Variants in MPRIP observed in about 807,000 individuals in gnomAD.
MPRIP encodes myosin phosphatase Rho-interacting protein.
Under a neutral mutation model 234.9 loss-of-function variants are expected in MPRIP, and 59 were observed. The observed-to-expected ratio is 0.25, with a 90% CI of 0.20 to 0.31. MPRIP has a LOEUF of 0.31. MPRIP is among the 10% of genes least tolerant of loss of function. The pLI, the probability that MPRIP is intolerant of heterozygous loss-of-function variation, is 1.00. For synonymous variants in MPRIP, 1,144 were observed against 1,263.9 expected (o/e 0.91, Z 2.01); for missense variants, 2,436 against 3,071.0 (o/e 0.79, Z 4.89).
intron 23 of MPRIP, 26 bp downstream of exon 23, chr17:17,180,114 T>G: frequency 6.5e-7 from 1 of 1,538,568 alleles, no homozygotes; most frequent in Non-Finnish European, 8.8e-7. Context: ...AGCCCCCTGG[T>G]GGGAGGGGCT....
At position 17,177,500 on chromosome 17, in the gene MPRIP, C is replaced by G. The variant is rs542963960; in HGVS notation, c.7120+88C>G. The G allele has an allele frequency of 3.7e-5, 52 of 1,413,138 alleles. No homozygotes were observed. In the African/African-American group the frequency reaches 6.4e-4, roughly 17 times the overall value. 87.5% of individuals were successfully genotyped at this position (1,413,138 alleles called of 1,614,324 possible). On this transcript the variant is annotated intron_variant, in intron 22 of 23. Coordinates refer to ENST00000651222, the MANE Select transcript of MPRIP (RefSeq NM_001364716.4). ...AGGTTTCCCGGTGCTTGACTTGAAG[C>G]AGAAGAGTCCCAGTGATGCTTGTAG...
In MPRIP at chr17:17,190,237, A is replaced by G. The variant is rs1030576857; in HGVS notation, c.*5343A>G. Reference sequence around the variant, plus strand: ...TCATCCAGTGAACGGTCATCTTCACATCGAAAGGTGAAGGCCACCACTGTT... The same window carrying G: ...TCATCCAGTGAACGGTCATCTTCACGTCGAAAGGTGAAGGCCACCACTGTT... On this transcript the variant is annotated 3_prime_UTR_variant, in exon 24 of 24. Coordinates refer to ENST00000651222, the MANE Select transcript of MPRIP (RefSeq NM_001364716.4). The G allele has an allele frequency of 1.4e-4, 21 of 152,256 alleles. No individual in the cohort carries two copies. Among genetic ancestry groups the G allele is most frequent in the African/African-American group, 4.8e-4 (20 of 41,476 alleles). 9.4% of individuals were successfully genotyped at this position (152,256 alleles called of 1,614,324 possible).
chr17:17,064,814 A>G (rs913973178), intron 1 of MPRIP, among the ~76,000 whole-genome samples: 3 of 152,166 alleles, frequency 2.0e-5, no homozygotes, highest in African/African-American at 7.2e-5. Context: ...AAGCTGCTAT[A>G]ACCATTCACA....
At chr17:17,106,633 C>T (rs986019679) in intron 3 of MPRIP, among the ~76,000 whole-genome samples, 7 of 152,104 alleles carry the variant, frequency 4.6e-5, no homozygotes, top group Admixed American at 6.5e-5. Flanking sequence ...TGGAGAGATC[C>T]GGGATGCAGA....
intron 16 of MPRIP, 44 bp from the exon 17 acceptor site, chr17:17,171,674 G>A: frequency 6.3e-7 from 1 of 1,595,052 alleles, no homozygotes; most frequent in Non-Finnish European, 8.5e-7. Context: ...CCCCAACTTA[G>A]AGGTAAAGAA....
At chr17:17,127,129 A>G (rs1176748309) in intron 4 of MPRIP, among the ~76,000 whole-genome samples, 1 of 151,644 alleles carries the variant, frequency 6.6e-6, no homozygotes, top group Non-Finnish European at 1.5e-5. Context: ...CCCCCAACTC[A>G]CCTGCCCCTC....
Position 17,167,881 on chromosome 17 carries a change from G to A in MPRIP, c.6290G>A (p.Arg2097His), listed in dbSNP as rs536957478. ...KDLEGDAATL[R>H]EKYQRDLESL... is the part of the protein sequence containing the mutation. Reference sequence around the variant, plus strand: ...CTGGAGGGCGACGCGGCCACACTGCGTGAGAAGTACCAGAGGGACTTGGAG... The same window carrying A: ...CTGGAGGGCGACGCGGCCACACTGCATGAGAAGTACCAGAGGGACTTGGAG... The change falls in exon 16 of 24, where the codon CGT becomes CAT. Residue 2097 changes from arginine to histidine, a missense_variant. Transcript: ENST00000651222. This position sits in a 1 kb window ranked among gnomAD's most constrained non-coding sequence, Gnocchi z 5.9. The A allele has an allele frequency of 4.2e-5, 55 of 1,304,044 alleles. No homozygotes were observed. In the East Asian group the frequency reaches 1.8e-3, roughly 42 times the overall value. The allele number at this position is 1,304,044 out of a possible 1,614,324, so 80.8% of individuals were successfully genotyped here.
At chr17:17,103,156 A>G (rs963632993) in intron 3 of MPRIP, among the ~76,000 whole-genome samples, 2 of 152,240 alleles carry the variant, frequency 1.3e-5, no homozygotes, top group African/African-American at 2.4e-5. Context: ...CAGGCAGTTC[A>G]GGCAGCCACA....
In MPRIP at chr17:17,190,872, T is replaced by G. The variant is rs904262547; in HGVS notation, c.*5978T>G. ...TATTTAAAAGCAGCTGTGTTTATTTTCTTCAAAATAACCTGTATATTATTT... is the reference window on the plus strand; with the variant it reads ...TATTTAAAAGCAGCTGTGTTTATTTGCTTCAAAATAACCTGTATATTATTT... On this transcript the variant is annotated 3_prime_UTR_variant, in exon 24 of 24. Transcript: ENST00000651222. 2.7e-4 allele frequency: 41 copies of G among 152,358 alleles called. No individual in the cohort carries two copies. Among genetic ancestry groups the G allele is most frequent in the African/African-American group, 9.4e-4 (39 of 41,584 alleles). 9.4% of individuals were successfully genotyped at this position (152,358 alleles called of 1,614,324 possible).
rs2046358337 is a variant in MPRIP at position 17,180,801 on chromosome 17, C to G, written c.7206+713C>G. On this transcript the variant is annotated intron_variant, in intron 23 of 23. Coordinates refer to ENST00000651222, the MANE Select transcript of MPRIP (RefSeq NM_001364716.4). ...CAAATCCAAGTGAGGTTTCTTTAAC[C>G]TGCTCTGGGGAGTTAATTGGCACTC... 4.2e-6 allele frequency: 4 copies of G among 954,920 alleles called. No homozygotes were observed. The South Asian group carries it at 5.8e-5, about 14-fold the overall frequency. 59.2% of individuals were successfully genotyped at this position (954,920 alleles called of 1,614,324 possible). A position where few individuals can be genotyped will look rare whatever the true frequency, so the allele number is the denominator to read the frequency against.
intron 16 of MPRIP, among the ~76,000 whole-genome samples, chr17:17,170,546 C>G (rs926073769): frequency 2.6e-5 from 4 of 152,098 alleles, no homozygotes; most frequent in Non-Finnish European, 5.9e-5. Flanking sequence ...AAAAGTGGGC[C>G]CAGAGAAAAA....
chr17:17,134,988 A>T (rs1214072458), intron 5 of MPRIP, among the ~76,000 whole-genome samples: 2 of 152,264 alleles, frequency 1.3e-5, no homozygotes, highest in Non-Finnish European at 2.9e-5. Flanking sequence ...GTTTTCTAAA[A>T]ATGAGGCTTG....
chr17:17,100,559 A>G (rs937185355), intron 3 of MPRIP, among the ~76,000 whole-genome samples: 12 of 152,174 alleles, frequency 7.9e-5, no homozygotes, highest in Non-Finnish European at 1.5e-4. Flanking sequence ...AGCTAGCATT[A>G]CTGCCTGAGC....
At chr17:17,136,900 T>C (rs1450808555) in intron 6 of MPRIP, among the ~76,000 whole-genome samples, 2 of 152,160 alleles carry the variant, frequency 1.3e-5, no homozygotes, top group African/African-American at 4.8e-5. Flanking sequence ...GAGGCAGCAG[T>C]TGGCATCCTC....
At chr17:17,145,956 G>C in intron 9 of MPRIP, 80 bp from the exon 10 acceptor site, 1 of 1,370,818 alleles carries the variant, frequency 7.3e-7, no homozygotes, top group Non-Finnish European at 1.0e-6. Flanking sequence ...GCCTCATCTG[G>C]ACAGAAATAC....
intron 16 of MPRIP, chr17:17,169,220 G>A (rs572812675): frequency 5.1e-5 from 18 of 353,454 alleles, no homozygotes; most frequent in South Asian, 3.8e-4. Flanking sequence ...GAGATGGGTG[G>A]ATCCAGGTGC....
intron 1 of MPRIP, 63 bp from the exon 2 acceptor site, chr17:17,075,647 T>C: frequency 7.1e-7 from 1 of 1,418,100 alleles, no homozygotes; most frequent in South Asian, 1.2e-5. Context: ...TGCTGTTAAC[T>C]TGACCTGTTC....
At chr17:17,102,563 A>G (rs1387925715) in intron 3 of MPRIP, among the ~76,000 whole-genome samples, 1 of 152,068 alleles carries the variant, frequency 6.6e-6, no homozygotes, top group Non-Finnish European at 1.5e-5. Flanking sequence ...CCACTTTCTC[A>G]CCTGTGCAGT....
At chr17:17,105,507 T>C (rs1213823514) in intron 3 of MPRIP, among the ~76,000 whole-genome samples, 1 of 152,098 alleles carries the variant, frequency 6.6e-6, no homozygotes, top group Non-Finnish European at 1.5e-5. Context: ...AGAGGTGAGG[T>C]CCCTGTTCAC....
Sources: gnomAD v4.1 joint callset for allele counts (sites outside exome capture counted in the v4.1 genomes callset) on GRCh38, gnomAD v4.1.1 for gene constraint, Gnocchi (gnomAD v3.1) non-coding constraint, MANE v1.5 for transcripts, NCBI Gene and HGNC (gene_info 2026-07-23, HGNC 2026-07-21) for gene names.